Variants in NAV2 observed in about 807,000 individuals in gnomAD.
The protein encoded by NAV2 is helicase, APC down-regulated 1.
In NAV2, 54 loss-of-function variants were observed where a neutral mutation model predicts 223.2. That is an observed-to-expected ratio of 0.24 (90% CI 0.19 to 0.30). NAV2 has a LOEUF of 0.30. Ranked by LOEUF, NAV2 falls within the 10% of genes least tolerant of loss-of-function variation. The pLI, the probability that NAV2 is intolerant of heterozygous loss-of-function variation, is 1.00. For synonymous variants in NAV2, 1,279 were observed against 1,239.3 expected, an observed-to-expected ratio of 1.03 and a Z score of -0.67; for missense variants, 2,806 against 3,147.5, an observed-to-expected ratio of 0.89 and a Z score of 2.60.
chr11:19,681,446 T>G (rs1008642988), intron 1 of NAV2, among the ~76,000 whole-genome samples: 2 of 151,738 alleles, frequency 1.3e-5, no homozygotes, highest in Admixed American at 6.6e-5. Flanking sequence ...CTCTCTGCAA[T>G]TTGGGGGTAA....
chr11:19,364,866 A>C (rs796843595), intron 1 of NAV2, among the ~76,000 whole-genome samples: 3 of 152,300 alleles, frequency 2.0e-5, no homozygotes, highest in African/African-American at 7.2e-5. Flanking sequence ...AAAAACTGTC[A>C]ACTCTTGTTA....
chr11:19,995,043 A>G (rs781438295), intron 11 of NAV2, among the ~76,000 whole-genome samples: 103 of 152,208 alleles, frequency 6.8e-4, no homozygotes, highest in Non-Finnish European at 1.3e-3. Flanking sequence ...TATGAATGCA[A>G]TCCAGGCGAT....
At chr11:19,768,402 A>C (rs2055412290) in intron 1 of NAV2, among the ~76,000 whole-genome samples, 1 of 152,194 alleles carries the variant, frequency 6.6e-6, no homozygotes, top group Admixed American at 6.5e-5. Context: ...GAGTTCAGTC[A>C]ACAAAAAGTA....
At chr11:19,502,992 G>A (rs1158984826) in intron 1 of NAV2, 1 of 152,218 alleles carries the variant, frequency 6.6e-6, no homozygotes, top group Non-Finnish European at 1.5e-5. Context: ...TTCGCCTCTG[G>A]ATTGGAAGAC....
At chr11:20,043,714 T>G in intron 12 of NAV2, 1 of 380,660 alleles carries the variant, frequency 2.6e-6, no homozygotes, top group Non-Finnish European at 4.8e-6. Context: ...AATATTAGGA[T>G]TATAGGCGTG....
intron 1 of NAV2, among the ~76,000 whole-genome samples, chr11:19,633,976 T>G (rs968218232): frequency 1.3e-5 from 2 of 152,136 alleles, no homozygotes; most frequent in Non-Finnish European, 2.9e-5. Flanking sequence ...AATAATAAAT[T>G]TAAACAGCCT....
At chr11:19,592,481 T>C (rs909418760) in intron 1 of NAV2, among the ~76,000 whole-genome samples, 1 of 152,074 alleles carries the variant, frequency 6.6e-6, no homozygotes, top group African/African-American at 2.4e-5. Flanking sequence ...GAATTTGAAT[T>C]ATATTTTTGT....
At chr11:19,610,694 A>G (rs1364530595) in intron 1 of NAV2, among the ~76,000 whole-genome samples, 1 of 152,112 alleles carries the variant, frequency 6.6e-6, no homozygotes, top group Non-Finnish European at 1.5e-5. Flanking sequence ...GGATGGATGG[A>G]TAAGTAGATG....
chr11:20,062,029 A>G (rs1451557629), intron 19 of NAV2, among the ~76,000 whole-genome samples: 1 of 152,212 alleles, frequency 6.6e-6, no homozygotes, highest in East Asian at 1.9e-4. Context: ...TCCGTACTTG[A>G]ACATTTTTGT....
At chr11:19,737,204 A>G (rs964752417) in intron 1 of NAV2, among the ~76,000 whole-genome samples, 14 of 152,268 alleles carry the variant, frequency 9.2e-5, no homozygotes, top group African/African-American at 3.1e-4. Flanking sequence ...AGCAAGGAAC[A>G]GCCTGGTCAA....
intron 1 of NAV2, among the ~76,000 whole-genome samples, chr11:19,437,411 G>A (rs753500762): frequency 2.6e-5 from 4 of 152,008 alleles, no homozygotes; most frequent in Non-Finnish European, 5.9e-5. Flanking sequence ...GTATCCAAGT[G>A]TTAATATATA....
At chr11:19,442,542 G>A (rs182335240) in intron 1 of NAV2, among the ~76,000 whole-genome samples, 1 of 152,356 alleles carries the variant, frequency 6.6e-6, no homozygotes, top group Non-Finnish European at 1.5e-5. Flanking sequence ...TTTCTCAAAT[G>A]TGAGAAGTTG....
chr11:19,680,343 G>C (rs1357183643), intron 1 of NAV2, among the ~76,000 whole-genome samples: 1 of 152,200 alleles, frequency 6.6e-6, no homozygotes, highest in Non-Finnish European at 1.5e-5. Context: ...AGTGACTAAG[G>C]CTGTCGCCTC....
At chr11:19,662,249 G>T (rs1375633917) in intron 1 of NAV2, among the ~76,000 whole-genome samples, 1 of 152,198 alleles carries the variant, frequency 6.6e-6, no homozygotes, top group African/African-American at 2.4e-5. Flanking sequence ...AAGACCAGAA[G>T]GTTGTTATCC....
Position 19,831,233 on chromosome 11 carries a change from G to T in NAV2, c.268-1251G>T, listed in dbSNP as rs1458994171. 1.8e-5 allele frequency among the ~76,000 whole-genome samples: 2 copies of T among 114,098 alleles called. 1 individual carries two copies. The highest frequency in any genetic ancestry group is 1.7e-4 in the Admixed American group (2 of 11,930). 74.9% of individuals were successfully genotyped at this position (114,098 alleles called of 152,430 possible). A position where few individuals can be genotyped will look rare whatever the true frequency, so the allele number is the denominator to read the frequency against. On this transcript the variant is annotated intron_variant, in intron 1 of 37. Transcript: ENST00000349880. ...ATTCCAGGAGTGTTGCGGGGGGGGG[G>T]GGGGCGCGATGGGGAGTGGGGGGGG...
At chr11:19,860,024 G>A (rs1220077822) in intron 3 of NAV2, among the ~76,000 whole-genome samples, 1 of 127,236 alleles carries the variant, frequency 7.9e-6, no homozygotes, top group Admixed American at 7.5e-5. Context: ...CGGATGGGGC[G>A]GCTGGCCAGG....
At chr11:19,410,500 C>T (rs1294247209) in intron 1 of NAV2, among the ~76,000 whole-genome samples, 2 of 152,160 alleles carry the variant, frequency 1.3e-5, no homozygotes, top group East Asian at 1.9e-4. Flanking sequence ...TCCAGGGTCA[C>T]GCAGTCATTA....
chr11:19,883,009 T>G (rs1180308250), intron 5 of NAV2, among the ~76,000 whole-genome samples: 2 of 152,226 alleles, frequency 1.3e-5, no homozygotes, highest in Non-Finnish European at 2.9e-5. Context: ...TAAAATTACA[T>G]CAGTGGCTCG....
At chr11:19,896,106 T>C (rs1054455780) in intron 6 of NAV2, among the ~76,000 whole-genome samples, 1 of 152,206 alleles carries the variant, frequency 6.6e-6, no homozygotes, top group African/African-American at 2.4e-5. Flanking sequence ...TGAGTCAGAC[T>C]CTGACTGTGT....
Sources: allele counts gnomAD v4.1 joint callset (sites outside exome capture counted in the v4.1 genomes callset), GRCh38; gene constraint gnomAD v4.1.1; transcripts MANE v1.5; gene names NCBI Gene and HGNC (gene_info 2026-07-23, HGNC 2026-07-21).